The following SORCS1 variants were observed in gnomAD, a reference collection of about 807,000 sequenced individuals.
The protein encoded by SORCS1 is VPS10 domain-containing receptor SorCS1.
SORCS1 carries 60 observed loss-of-function variants against 146.1 expected under a neutral mutation model. The observed-to-expected ratio is 0.41, with a 90% confidence interval of 0.33 to 0.51. The LOEUF (loss-of-function observed/expected upper bound fraction) is 0.51. Among genes scored for constraint, SORCS1 ranks in the 20% least tolerant of loss-of-function variants. The pLI is 0.21. For synonymous variants in SORCS1, 637 were observed against 584.0 expected, an observed-to-expected ratio of 1.09 and a Z score of -1.31; for missense variants, 1,352 against 1,487.6, an observed-to-expected ratio of 0.91 and a Z score of 1.50.
rs1354482652 is a variant in SORCS1, at chr10:106,978,627, G to A, written c.559-22047C>T. ...AGCCTGACCAACATGGTGAAACCCC[G>A]TCTCTGCTAAAAATACAAAAATTAG... On this transcript the variant is annotated intron_variant, in intron 1 of 25. Coordinates refer to ENST00000263054, the MANE Select transcript of SORCS1 (RefSeq NM_052918.5). 7.2e-5 allele frequency among the ~76,000 whole-genome samples: 11 copies of A among 152,062 alleles called. 1 individual carries two copies. The highest frequency in any genetic ancestry group is 1.7e-4 in the African/African-American group (7 of 41,510).
intron 2 of SORCS1, among the ~76,000 whole-genome samples, chr10:106,946,615 C>T (rs1954359638): frequency 6.6e-6 from 1 of 152,232 alleles, no homozygotes; most frequent in Admixed American, 6.5e-5. Flanking sequence ...GTCAATTAAA[C>T]CTCTTTCCTT....
intron 1 of SORCS1, among the ~76,000 whole-genome samples, chr10:106,990,161 G>T (rs887679238): frequency 6.6e-6 from 1 of 152,184 alleles, no homozygotes; most frequent in African/African-American, 2.4e-5. Flanking sequence ...GTAGCAAGAG[G>T]AGACTGTTAC....
At chr10:106,595,926 T>G (rs1845878747) in intron 24 of SORCS1, among the ~76,000 whole-genome samples, 1 of 152,230 alleles carries the variant, frequency 6.6e-6, no homozygotes, top group Non-Finnish European at 1.5e-5. Flanking sequence ...CTATACAGCT[T>G]TAGTTGCTAA....
At chr10:107,116,761 T>A (rs559417177) in intron 1 of SORCS1, among the ~76,000 whole-genome samples, 2 of 152,186 alleles carry the variant, frequency 1.3e-5, no homozygotes. Context: ...TTAATTAATT[T>A]GTTATAATCA....
intron 24 of SORCS1, among the ~76,000 whole-genome samples, chr10:106,591,209 G>A (rs1034608980): frequency 2.0e-5 from 3 of 152,142 alleles, no homozygotes; most frequent in East Asian, 1.9e-4. Context: ...GGTAACAGTC[G>A]CCTGCCAGTC....
chr10:106,669,022 C>T (rs1186952807), intron 16 of SORCS1, among the ~76,000 whole-genome samples: 1 of 152,108 alleles, frequency 6.6e-6, no homozygotes, highest in Non-Finnish European at 1.5e-5. Context: ...ACAGAAATCC[C>T]ACTGGACCAG....
At chr10:106,852,855 C>T (rs1398065057) in intron 2 of SORCS1, among the ~76,000 whole-genome samples, 4 of 152,102 alleles carry the variant, frequency 2.6e-5, no homozygotes, top group African/African-American at 9.7e-5. Context: ...TCATGATGCA[C>T]AATTCTTTTC....
At chr10:106,646,954 G>A (rs2133722108) in intron 18 of SORCS1, among the ~76,000 whole-genome samples, 1 of 145,566 alleles carries the variant, frequency 6.9e-6, no homozygotes, top group East Asian at 2.0e-4. Context: ...TCCTTGTTCA[G>A]CTTGTTTATG....
chr10:106,845,975 A>G (rs182252775), intron 2 of SORCS1, among the ~76,000 whole-genome samples: 7 of 129,668 alleles, frequency 5.4e-5, no homozygotes, highest in Admixed American at 2.4e-4. Context: ...ATGCTGTTTT[A>G]GTTACTGTAG....
chr10:106,842,914 T>C (rs1422144859), intron 2 of SORCS1, among the ~76,000 whole-genome samples: 1 of 152,184 alleles, frequency 6.6e-6, no homozygotes, highest in African/African-American at 2.4e-5. Flanking sequence ...TGCCTGGCCC[T>C]TACTGTTGAG....
At chr10:106,745,834 A>C (rs1338758) in intron 5 of SORCS1, among the ~76,000 whole-genome samples, 31,538 of 152,090 alleles carry the variant, frequency 0.21, 3,941 homozygotes, top group East Asian at 0.49. Flanking sequence ...CGCCCCCTTC[A>C]CCAAGTGATC....
chr10:107,082,563 C>T (rs1963412685), intron 1 of SORCS1, among the ~76,000 whole-genome samples: 1 of 151,926 alleles, frequency 6.6e-6, no homozygotes, highest in African/African-American at 2.4e-5. Context: ...CTGTAACCTC[C>T]ACCTCCTGGG....
chr10:106,999,470 T>A (rs11193156), intron 1 of SORCS1, among the ~76,000 whole-genome samples: 5,003 of 152,366 alleles, frequency 0.033, 252 homozygotes, highest in African/African-American at 0.11. Flanking sequence ...TTACCATTTA[T>A]AGCACCATTT....
At chr10:106,677,035 T>C (rs563492435) in intron 13 of SORCS1, among the ~76,000 whole-genome samples, 4 of 152,236 alleles carry the variant, frequency 2.6e-5, no homozygotes, top group African/African-American at 7.2e-5. Context: ...CTTCCCTCTA[T>C]ATAAACCCCT....
intron 3 of SORCS1, among the ~76,000 whole-genome samples, chr10:106,803,316 T>C (rs576544329): frequency 6.6e-6 from 1 of 152,326 alleles, no homozygotes. Flanking sequence ...CAAAGAATAA[T>C]ATTTTGTATT....
intron 1 of SORCS1, among the ~76,000 whole-genome samples, chr10:107,077,063 T>G (rs968045131): frequency 6.6e-6 from 1 of 152,122 alleles, no homozygotes; most frequent in African/African-American, 2.4e-5. Flanking sequence ...TCTGCTCTAT[T>G]TTTTCACAAC....
At chr10:106,850,307 G>A (rs919842873) in intron 2 of SORCS1, among the ~76,000 whole-genome samples, 4 of 152,052 alleles carry the variant, frequency 2.6e-5, no homozygotes, top group East Asian at 1.9e-4. Flanking sequence ...GTTTTAAGCC[G>A]GTCTGAAAAG....
At chr10:106,988,933 G>C (rs1956612537) in intron 1 of SORCS1, among the ~76,000 whole-genome samples, 2 of 151,732 alleles carry the variant, frequency 1.3e-5, no homozygotes, top group African/African-American at 2.4e-5. Flanking sequence ...CCCTAGGAGG[G>C]GCTTTTTTCC....
chr10:106,699,374 G>A lies in SORCS1; in HGVS notation c.1253C>T (p.Thr418Ile), dbSNP rs1339018676. 6.2e-7 allele frequency: 1 copy of A among 1,612,468 alleles called. No homozygotes were observed. The highest frequency in any genetic ancestry group is 1.3e-5 in the African/African-American group (1 of 74,966). The change falls in exon 9 of 26, where the codon ACC becomes ATC. Residue 418 changes from threonine to isoleucine, a missense_variant. Coordinates refer to ENST00000263054, the MANE Select transcript of SORCS1 (RefSeq NM_052918.5). The part of the protein sequence containing the change: ...ALPKDMHVIS[T>I]DENQVFAAVQ... ...CGCTGCGAACACCTGATTCTCATCG[G>A]TGCTGATAACATGCATGTCCTGTGA...
Sources: gnomAD v4.1 joint callset for allele counts (sites outside exome capture counted in the v4.1 genomes callset) on GRCh38, gnomAD v4.1.1 for gene constraint, MANE v1.5 for transcripts, NCBI Gene and HGNC (gene_info 2026-07-23, HGNC 2026-07-21) for gene names.